Variants in TAP1 observed in about 807,000 individuals in gnomAD.
TAP1 encodes transporter 1, ATP binding cassette subfamily B member.
TAP1 carries 56 observed loss-of-function variants against 79.3 expected under a neutral mutation model. That is an observed-to-expected ratio of 0.71 (90% CI 0.57 to 0.88). The LOEUF is 0.88. Among genes scored for constraint, TAP1 ranks in the 40% least tolerant of loss-of-function variants. The pLI is 0.00. For missense variants in TAP1, 737 were observed against 936.3 expected, an observed-to-expected ratio of 0.79 and a Z score of 2.78; for synonymous variants, 355 against 401.4, an observed-to-expected ratio of 0.88 and a Z score of 1.38.
rs1175981843 is a variant in TAP1 at position 32,851,260 on chromosome 6, A to T, written c.845-111T>A. ...TCAGGGGTGTCAACATGGGGTTCTA[A>T]GGAGGCTGCAGGAAACAAGGTTAGG... On this transcript the variant is annotated intron_variant, in intron 3 of 10. Transcript: ENST00000354258. The surrounding 1 kb of genome is among the most constrained non-coding windows in gnomAD (Gnocchi z 4.8). 1 of 1,003,156 alleles carries T rather than the reference A, an allele frequency of 1.0e-6. No homozygotes were observed. The highest frequency in any genetic ancestry group is 2.0e-5 in the Admixed American group (1 of 50,292). 62.1% of individuals were successfully genotyped at this position (1,003,156 alleles called of 1,614,324 possible).
rs1770733686 is a variant in TAP1 at position 32,850,822 on chromosome 6, T to G, written c.1050+122A>C. 2 of 971,960 alleles carry G rather than the reference T, an allele frequency of 2.1e-6. No individual in the cohort carries two copies. The highest frequency in any genetic ancestry group is 2.4e-5 in the East Asian group (1 of 41,632). The allele number at this position is 971,960 out of a possible 1,614,324, so 60.2% of individuals were successfully genotyped here. On this transcript the variant is annotated intron_variant, in intron 4 of 10. Transcript: ENST00000354258. This position sits in a 1 kb window ranked among gnomAD's most constrained non-coding sequence, Gnocchi z 5.5. The stretch of plus-strand genomic sequence containing the variant: ...TGGACCACAGGGACAGGGTGTTCCA[T>G]GAAGATGGAGAATCAGTAAGGGTGC...
In TAP1 at chr6:32,852,982, T is replaced by C; in HGVS notation, c.598+57A>G. 1 of 1,551,694 alleles carries C rather than the reference T, an allele frequency of 6.4e-7. No individual in the cohort carries two copies. The highest frequency in any genetic ancestry group is 1.4e-5 in the African/African-American group (1 of 73,842). On this transcript the variant is annotated intron_variant, in intron 1 of 10. Transcript: ENST00000354258. This position sits in a 1 kb window ranked among gnomAD's most constrained non-coding sequence, Gnocchi z 4.8. ...CTACTCTACCTTACTGACAATTACC[T>C]TTGATTCCTGTCCCAGTCCCCTTGT...
rs1344976701 is a variant in TAP1 at position 32,853,314 on chromosome 6, G to T, written c.323C>A (p.Pro108Gln). The change falls in exon 1 of 11, where the codon CCG (proline) becomes CAG (glutamine). Residue 108 changes from proline to glutamine, a missense_variant. Physicochemically the swap from Pro to Gln is moderately conservative, Grantham distance 76. Around this residue, in one of 5 missense-constraint regions of TAP1, gnomAD observed 406 missense variants for 477.2 expected, o/e 0.85. Coordinates refer to ENST00000354258, the MANE Select transcript of TAP1 (RefSeq NM_000593.6). This position sits in a 1 kb window ranked among gnomAD's most constrained non-coding sequence, Gnocchi z 8.3. ...PLAAALGLAL[P>Q]GLALFRELIS... ...CAGCTCTCGGAACAAGGCAAGTCCC[G>T]GCAGGGCCAAGCCCAGTGCCGCAGC... The T allele has an allele frequency of 5.7e-6, 9 of 1,579,690 alleles. No individual in the cohort carries two copies. The highest frequency in any genetic ancestry group is 2.6e-6 in the Non-Finnish European group (3 of 1,162,350).
chr6:32,848,596 T>A, intron 7 of TAP1, 56 bp downstream of exon 7: 1 of 1,593,942 alleles, frequency 6.3e-7, no homozygotes, highest in Non-Finnish European at 8.6e-7. Flanking sequence ...GAAGAAAATT[T>A]AGGATGGCAG....
In TAP1 at chr6:32,847,140, T is replaced by A. The variant is rs745731367; in HGVS notation, c.1968A>T (p.Ala656=). Residue 656 remains alanine, a synonymous_variant, in exon 10 of 11, where the codon GCA becomes GCT. Transcript: ENST00000354258. This position sits in a 1 kb window ranked among gnomAD's most constrained non-coding sequence, Gnocchi z 4.7. ...GQRQAVALAR[A]LIRKPCVLIL... is the part of the protein sequence containing the mutation. The stretch of plus-strand genomic sequence containing the variant: ...TAAGTACACACGGTTTCCGGATCAA[T>A]GCTCGGGCCAACGCCACTGCCTGTC... 2 of 1,612,952 alleles carry A rather than the reference T, an allele frequency of 1.2e-6. No homozygotes were observed. The highest frequency in any genetic ancestry group is 1.7e-6 in the Non-Finnish European group (2 of 1,180,028).
Position 32,847,922 on chromosome 6 carries a change from C to T in TAP1, c.1737G>A (p.Arg579=). 1 of 1,613,106 alleles carries T rather than the reference C, an allele frequency of 6.2e-7. No individual in the cohort carries two copies. The highest frequency in any genetic ancestry group is 8.5e-7 in the Non-Finnish European group (1 of 1,180,034). ...LPQYEHRYLH[R]QVAAVGQEPQ... is the part of the protein sequence containing the mutation. Reference sequence around the variant, plus strand: ...TTCAAGCCACCTGCTTCCATACCTGCCTGTGCAGGTAGCGGTGCTCATATT... The same window carrying T: ...TTCAAGCCACCTGCTTCCATACCTGTCTGTGCAGGTAGCGGTGCTCATATT... The change falls in exon 8 of 11, where the codon AGG becomes AGA. Residue 579 remains arginine, a synonymous_variant. Coordinates refer to ENST00000354258, the MANE Select transcript of TAP1 (RefSeq NM_000593.6). This position sits in a 1 kb window ranked among gnomAD's most constrained non-coding sequence, Gnocchi z 4.7.
chr6:32,852,187 C>T lies in TAP1; in HGVS notation c.766G>A (p.Val256Met), dbSNP rs531615408. Reference sequence around the variant, plus strand: ...ACCTCTCCCTGCAAGTGGCTGTGCACGTGGCCCATGGTGTTGTTATAGATC... The same window carrying T: ...ACCTCTCCCTGCAAGTGGCTGTGCATGTGGCCCATGGTGTTGTTATAGATC... ...DGIYNNTMGH[V>M]HSHLQGEVFG... Residue 256 changes from valine to methionine, a missense_variant, in exon 3 of 11, where the codon GTG becomes ATG. Coordinates refer to ENST00000354258, the MANE Select transcript of TAP1 (RefSeq NM_000593.6). The surrounding 1 kb of genome is among the most constrained non-coding windows in gnomAD (Gnocchi z 4.8). 1.1e-5 allele frequency: 17 copies of T among 1,612,870 alleles called. No individual in the cohort carries two copies. Among genetic ancestry groups the T allele is most frequent in the Non-Finnish European group, 1.1e-5 (13 of 1,180,010 alleles).
At position 32,850,929 on chromosome 6, in the gene TAP1, A is replaced by T; in HGVS notation, c.1050+15T>A. On this transcript the variant is annotated intron_variant, in intron 4 of 10. Coordinates refer to ENST00000354258, the MANE Select transcript of TAP1 (RefSeq NM_000593.6). The surrounding 1 kb of genome is among the most constrained non-coding windows in gnomAD (Gnocchi z 5.5). ...ATGAGGGTCTGTGTAGAGCGGGCCA[A>T]CTCCATGAACATACCTGGTACCATT... 1 of 1,608,300 alleles carries T rather than the reference A, an allele frequency of 6.2e-7. No individual in the cohort carries two copies. Among genetic ancestry groups the T allele is most frequent in the Non-Finnish European group, 8.5e-7 (1 of 1,178,044 alleles).
chr6:32,845,500 G>A lies in TAP1; in HGVS notation c.*79C>T. Reference sequence around the variant, plus strand: ...CAAGTAACTCATCCTGGAGGCAGCTGCCTACTCTGCAGCTGTGGTTCTCCA... The same window carrying A: ...CAAGTAACTCATCCTGGAGGCAGCTACCTACTCTGCAGCTGTGGTTCTCCA... On this transcript the variant is annotated 3_prime_UTR_variant, in exon 11 of 11. Coordinates refer to ENST00000354258, the MANE Select transcript of TAP1 (RefSeq NM_000593.6). The surrounding 1 kb of genome is among the most constrained non-coding windows in gnomAD (Gnocchi z 4.5). 1 of 1,503,786 alleles carries A rather than the reference G, an allele frequency of 6.6e-7. No individual in the cohort carries two copies. Among genetic ancestry groups the A allele is most frequent in the East Asian group, 2.3e-5 (1 of 44,004 alleles). 93.2% of individuals were successfully genotyped at this position (1,503,786 alleles called of 1,614,324 possible). A position where few individuals can be genotyped will look rare whatever the true frequency, so the allele number is the denominator to read the frequency against.
Position 32,852,397 on chromosome 6 carries a change from G to T in TAP1, c.704C>A (p.Thr235Asn). The change falls in exon 2 of 11, where the codon ACC (threonine) becomes AAC (asparagine). Residue 235 changes from threonine to asparagine, a missense_variant. Physicochemically the swap from Thr to Asn is moderately conservative, Grantham distance 65. Coordinates refer to ENST00000354258, the MANE Select transcript of TAP1 (RefSeq NM_000593.6). The surrounding 1 kb of genome is among the most constrained non-coding windows in gnomAD (Gnocchi z 4.8). ...TRNLTLMSIL[T>N]IASAVLEFVG... ...TTTTCAGCCCCCAGACCTGGCTATG[G>T]TGAGAATGGACATGAGAGTTAAGTT... The T allele has an allele frequency of 1.2e-6, 2 of 1,613,066 alleles. No homozygotes were observed. The highest frequency in any genetic ancestry group is 1.7e-6 in the Non-Finnish European group (2 of 1,180,024).
chr6:32,845,326 TCA>T lies in TAP1; in HGVS notation c.*251_*252del, dbSNP rs1770288610. ...TCTTTCCGTACATTCTGAACATTTC[TCA>T]GTTTCAGAGTGCTGGCCACACCAAA... is the stretch of plus-strand genomic sequence containing the variant. On this transcript the variant is annotated 3_prime_UTR_variant, in exon 11 of 11. Coordinates refer to ENST00000354258, the MANE Select transcript of TAP1 (RefSeq NM_000593.6). The surrounding 1 kb of genome is among the most constrained non-coding windows in gnomAD (Gnocchi z 4.5). 1.7e-6 allele frequency: 1 copy of T among 596,460 alleles called. No homozygotes were observed. 36.9% of individuals were successfully genotyped at this position (596,460 alleles called of 1,614,324 possible). A position where few individuals can be genotyped will look rare whatever the true frequency, so the allele number is the denominator to read the frequency against.
rs775370277 is a variant in TAP1, at chr6:32,851,025, TC to T, written c.968del (p.Gly323AspfsTer10). On this transcript the variant is annotated frameshift_variant, in exon 4 of 11. Coordinates refer to ENST00000354258, the MANE Select transcript of TAP1 (RefSeq NM_000593.6). LOFTEE classifies it high-confidence loss of function. This position sits in a 1 kb window ranked among gnomAD's most constrained non-coding sequence, Gnocchi z 4.8. Reference sequence around the variant, plus strand: ...GGGTGACCATGGTGAGGGACACTGATCCCCAGAGCATGATCCCCAAGAGACA... The same window carrying T: ...GGGTGACCATGGTGAGGGACACTGATCCCAGAGCATGATCCCCAAGAGACA... ...GLCLLGIMLW[G>X]SVSLTMVTLI... 4 of 1,612,644 alleles carry T rather than the reference TC, an allele frequency of 2.5e-6. No individual in the cohort carries two copies. The highest frequency in any genetic ancestry group is 3.4e-6 in the Non-Finnish European group (4 of 1,179,928).
rs1770865700 is a variant in TAP1, at chr6:32,852,662, C to T, written c.599-160G>A. ...TCAATCCCGAACCTAAATAGGCTGC[C>T]CTGGAACTCACTACCCTGTGGTTGC... On this transcript the variant is annotated intron_variant, in intron 1 of 10. Coordinates refer to ENST00000354258, the MANE Select transcript of TAP1 (RefSeq NM_000593.6). This position sits in a 1 kb window ranked among gnomAD's most constrained non-coding sequence, Gnocchi z 4.8. The T allele has an allele frequency of 6.6e-7, 1 of 1,522,096 alleles. No homozygotes were observed. The highest frequency in any genetic ancestry group is 8.8e-7 in the Non-Finnish European group (1 of 1,137,104). The allele number at this position is 1,522,096 out of a possible 1,614,324, so 94.3% of individuals were successfully genotyped here. A position where few individuals can be genotyped will look rare whatever the true frequency, so the allele number is the denominator to read the frequency against.
At position 32,845,842 on chromosome 6, in the gene TAP1, C is replaced by T. The variant is rs1770350040; in HGVS notation, c.2041-57G>A. 3.4e-6 allele frequency: 5 copies of T among 1,485,300 alleles called. No individual in the cohort carries two copies. The highest frequency in any genetic ancestry group is 1.8e-5 in the Admixed American group (1 of 56,612). The allele number at this position is 1,485,300 out of a possible 1,614,324, so 92.0% of individuals were successfully genotyped here. On this transcript the variant is annotated intron_variant, in intron 10 of 10. Transcript: ENST00000354258. The surrounding 1 kb of genome is among the most constrained non-coding windows in gnomAD (Gnocchi z 4.5). ...GGACTACCCTCAGCCCAGGGAGACA[C>T]CTGTGTTTCCAGGGCTGGGACTGAC...
rs1770855358 is a variant in TAP1 at position 32,852,529 on chromosome 6, A to G, written c.599-27T>C. 2 of 1,612,732 alleles carry G rather than the reference A, an allele frequency of 1.2e-6. No homozygotes were observed. Among genetic ancestry groups the G allele is most frequent in the East Asian group, 2.2e-5 (1 of 44,884 alleles). On this transcript the variant is annotated intron_variant, in intron 1 of 10. Coordinates refer to ENST00000354258, the MANE Select transcript of TAP1 (RefSeq NM_000593.6). This position sits in a 1 kb window ranked among gnomAD's most constrained non-coding sequence, Gnocchi z 4.8. ...TGGAGAAAGAGAAGAGAGGTCACGC[A>G]CAAATATTAAGTCTAAGTAGGTCAG...
In TAP1 at chr6:32,845,509, G is replaced by T; in HGVS notation, c.*70C>A. 1 of 1,545,384 alleles carries T rather than the reference G, an allele frequency of 6.5e-7. No individual in the cohort carries two copies. The highest frequency in any genetic ancestry group is 1.1e-5 in the South Asian group (1 of 89,124). Reference sequence around the variant, plus strand: ...CATCCTGGAGGCAGCTGCCTACTCTGCAGCTGTGGTTCTCCACCACAGAGA... The same window carrying T: ...CATCCTGGAGGCAGCTGCCTACTCTTCAGCTGTGGTTCTCCACCACAGAGA... On this transcript the variant is annotated 3_prime_UTR_variant, in exon 11 of 11. Coordinates refer to ENST00000354258, the MANE Select transcript of TAP1 (RefSeq NM_000593.6). This position sits in a 1 kb window ranked among gnomAD's most constrained non-coding sequence, Gnocchi z 4.5.
Position 32,848,805 on chromosome 6 carries a change from A to C in TAP1, c.1413T>G (p.Ala471=), listed in dbSNP as rs1218316577. The C allele has an allele frequency of 2.5e-6, 4 of 1,614,042 alleles. No homozygotes were observed. The highest frequency in any genetic ancestry group is 3.4e-6 in the Non-Finnish European group (4 of 1,180,036). Residue 471 remains alanine, a synonymous_variant, in exon 7 of 11, where the codon GCT becomes GCG. Coordinates refer to ENST00000354258, the MANE Select transcript of TAP1 (RefSeq NM_000593.6). The part of the protein sequence containing the change: ...LLSIYPRVQK[A]VGSSEKIFEY... Reference sequence around the variant, plus strand: ...CAAATATTTTCTCTGAGGAGCCCACAGCCTTCTGTACTCTGGGGTAGATGG... The same window carrying C: ...CAAATATTTTCTCTGAGGAGCCCACCGCCTTCTGTACTCTGGGGTAGATGG...
chr6:32,852,963 T>A lies in TAP1; in HGVS notation c.598+76A>T. The A allele has an allele frequency of 1.3e-6, 2 of 1,533,328 alleles. No homozygotes were observed. Among genetic ancestry groups the A allele is most frequent in the Non-Finnish European group, 1.7e-6 (2 of 1,144,248 alleles). 95.0% of individuals were successfully genotyped at this position (1,533,328 alleles called of 1,614,324 possible). Reference sequence around the variant, plus strand: ...ACATTTCCCAGAACCCACGCTACTCTACCTTACTGACAATTACCTTTGATT... The same window carrying A: ...ACATTTCCCAGAACCCACGCTACTCAACCTTACTGACAATTACCTTTGATT... On this transcript the variant is annotated intron_variant, in intron 1 of 10. Transcript: ENST00000354258. The surrounding 1 kb of genome is among the most constrained non-coding windows in gnomAD (Gnocchi z 4.8).
At position 32,852,496 on chromosome 6, in the gene TAP1, A is replaced by C. The variant is rs371791126; in HGVS notation, c.605T>G (p.Met202Arg). ...GCGGCCCGTAAAGAATGGAATGGCCATCTCCCCTGGAGAAAGAGAAGAGAG... is the reference window on the plus strand; with the variant it reads ...GCGGCCCGTAAAGAATGGAATGGCCCTCTCCCCTGGAGAAAGAGAAGAGAG... ...VLVVLSSLGE[M>R]AIPFFTGRLT... Residue 202 changes from methionine (M) to arginine (R), a missense_variant, in exon 2 of 11, where the codon ATG becomes AGG. Met to Arg is a moderately conservative substitution (Grantham distance 91). This residue lies in a region of TAP1 where 406 missense variants were observed against 477.2 expected (regional missense o/e 0.85). Transcript: ENST00000354258. The surrounding 1 kb of genome is among the most constrained non-coding windows in gnomAD (Gnocchi z 4.8). The C allele has an allele frequency of 5.0e-6, 8 of 1,612,902 alleles. No homozygotes were observed. In the African/African-American group the frequency reaches 1.1e-4, roughly 22 times the overall value.
Sources: allele counts gnomAD v4.1 joint callset, GRCh38; gene constraint gnomAD v4.1.1; regional missense constraint gnomAD v4.1.1; non-coding constraint Gnocchi (gnomAD v3.1); transcripts MANE v1.5; gene names NCBI Gene and HGNC (gene_info 2026-07-23, HGNC 2026-07-21).